Variants in VPS53 observed in about 807,000 individuals in gnomAD.
VPS53 encodes the protein vacuolar protein sorting-associated protein 53 homolog.
In VPS53, 70 loss-of-function variants were observed where a neutral mutation model predicts 107.0. The observed-to-expected ratio is 0.65, with a 90% CI of 0.54 to 0.80. VPS53 has a LOEUF of 0.80. VPS53 is among the 30% of genes least tolerant of loss of function. VPS53 has a pLI of 0.00. For synonymous variants in VPS53, 409 were observed against 393.3 expected, an observed-to-expected ratio of 1.04 and a Z score of -0.47; for missense variants, 917 against 1,049.4, an observed-to-expected ratio of 0.87 and a Z score of 1.74.
chr17:698,724 A>G (rs1406505083), intron 3 of VPS53, among the ~76,000 whole-genome samples: 1 of 149,742 alleles, frequency 6.7e-6, no homozygotes, highest in Non-Finnish European at 1.5e-5. Context: ...AGAAAAAAAG[A>G]AAAAAAAAAT....
intron 7 of VPS53, among the ~76,000 whole-genome samples, chr17:648,548 C>G (rs556182637): frequency 2.8e-4 from 42 of 152,254 alleles, no homozygotes; most frequent in African/African-American, 1.0e-3. Flanking sequence ...GAGACTTGGT[C>G]TCAAAAAATA....
chr17:660,151 C>A (rs1971385779), intron 5 of VPS53, among the ~76,000 whole-genome samples: 1 of 152,232 alleles, frequency 6.6e-6, no homozygotes, highest in Non-Finnish European at 1.5e-5. Context: ...TCAGACAGAT[C>A]TAGGGCTGAA....
Position 517,105 on chromosome 17 carries a change from T to C in VPS53, c.*2023A>G, listed in dbSNP as rs529934219. ...CTGTACGGCTCAGGCTGCTTAACCA[T>C]AGCAACTCCATGGGCTGGGGTGGGG... On this transcript the variant is annotated 3_prime_UTR_variant, in exon 22 of 22. Transcript: ENST00000437048. The C allele has an allele frequency of 2.3e-4, 51 of 223,688 alleles. 1 individual carries two copies. In the East Asian group the frequency reaches 4.4e-3, roughly 19 times the overall value. The allele number at this position is 223,688 out of a possible 1,614,324, so 13.9% of individuals were successfully genotyped here.
Position 521,696 on chromosome 17 carries a change from G to A in VPS53, c.2128C>T (p.Leu710Phe). 6.4e-7 allele frequency: 1 copy of A among 1,550,662 alleles called. No homozygotes were observed. Residue 710 changes from leucine to phenylalanine, a missense_variant, in exon 20 of 22, where the codon CTC becomes TTC. Physicochemically the swap from Leu to Phe is conservative, Grantham distance 22. Transcript: ENST00000437048. ...ACCACCTGCGAGCTGATGGAGGGGA[G>A]ATCGAGCAGGACCATCTTCAGCGAG... ...THSLKMVLLD[L>F]PSISSQVVRK...
At chr17:694,103 G>T (rs1024063932) in intron 4 of VPS53, among the ~76,000 whole-genome samples, 1 of 152,164 alleles carries the variant, frequency 6.6e-6, no homozygotes, top group African/African-American at 2.4e-5. Flanking sequence ...ACTTCAGTTT[G>T]CATTACAAAG....
chr17:639,654 G>A (rs1970344468), intron 7 of VPS53, among the ~76,000 whole-genome samples: 2 of 152,196 alleles, frequency 1.3e-5, no homozygotes, highest in South Asian at 4.1e-4. Context: ...TCAGCTGCAG[G>A]TCTGTTGGAG....
chr17:609,500 T>C (rs547230761), intron 11 of VPS53, among the ~76,000 whole-genome samples: 6 of 152,286 alleles, frequency 3.9e-5, no homozygotes, highest in African/African-American at 1.4e-4. Flanking sequence ...TACTTAGAAG[T>C]AGAAATGTGT....
At chr17:545,096 A>G (rs1911079311) in intron 17 of VPS53, among the ~76,000 whole-genome samples, 1 of 152,192 alleles carries the variant, frequency 6.6e-6, no homozygotes, top group Non-Finnish European at 1.5e-5. Flanking sequence ...AAGAAAGAAA[A>G]TAACACTATG....
intron 17 of VPS53, among the ~76,000 whole-genome samples, chr17:551,221 AGCCAAAAAT>A (rs1457832263): frequency 6.6e-6 from 1 of 152,186 alleles, no homozygotes; most frequent in Non-Finnish European, 1.5e-5. Flanking sequence ...GGCACATAAA[AGCCAAAAAT>A]AGGAACATGA....
intron 17 of VPS53, chr17:538,593 T>G (rs1954214431): frequency 6.6e-6 from 1 of 152,162 alleles, no homozygotes; most frequent in Non-Finnish European, 1.5e-5. Flanking sequence ...ACTCCTAATG[T>G]TTTTTCAAAT....
chr17:625,475 T>TAAAA (rs34322673), intron 10 of VPS53, among the ~76,000 whole-genome samples: 1 of 136,408 alleles, frequency 7.3e-6, no homozygotes, highest in Admixed American at 7.4e-5. Context: ...CCCCATCTCT[T>TAAAA]AAAAAAAAAA....
chr17:705,465 G>A (rs541644321), intron 2 of VPS53, among the ~76,000 whole-genome samples: 7 of 151,962 alleles, frequency 4.6e-5, no homozygotes, highest in South Asian at 4.1e-4. Context: ...GGCTGGGCGC[G>A]GTGGCTCACT....
At chr17:668,192 G>C (rs982401143) in intron 4 of VPS53, among the ~76,000 whole-genome samples, 3 of 152,100 alleles carry the variant, frequency 2.0e-5, no homozygotes, top group Admixed American at 1.3e-4. Flanking sequence ...TGGTTTACCG[G>C]GGACACGCTG....
chr17:537,211 C>T lies in VPS53; in HGVS notation c.1867-35G>A, dbSNP rs368149974. The T allele has an allele frequency of 5.1e-5, 82 of 1,609,008 alleles. No homozygotes were observed. The African/African-American group carries it at 9.6e-4, about 19-fold the overall frequency. On this transcript the variant is annotated intron_variant, in intron 17 of 21. Coordinates refer to ENST00000437048, the MANE Select transcript of VPS53 (RefSeq NM_001128159.3). ...AGAAAGGATGAGGCGTTGAATCCCT[C>T]GCAGGAGAACGGTGTCGCCTGTTAC...
chr17:556,334 C>T (rs887228937), intron 15 of VPS53, among the ~76,000 whole-genome samples: 2 of 152,098 alleles, frequency 1.3e-5, no homozygotes, highest in African/African-American at 4.8e-5. Context: ...AAAAGCAACA[C>T]CAATAATACA....
At chr17:571,165 A>G (rs1426012519) in intron 13 of VPS53, among the ~76,000 whole-genome samples, 1 of 141,886 alleles carries the variant, frequency 7.0e-6, no homozygotes, top group Non-Finnish European at 1.5e-5. Context: ...AACAAAAATT[A>G]GACTGATGTG....
rs892111697 is a variant in VPS53 at position 714,792 on chromosome 17, C to A, written c.-83G>T. On this transcript the variant is annotated 5_prime_UTR_variant, in exon 1 of 22. Transcript: ENST00000437048. Reference sequence around the variant, plus strand: ...CCACCCAGGCCCCAGCACAGCAACTCCCTCGCGGCAGCGACCTGGTGAGCC... The same window carrying A: ...CCACCCAGGCCCCAGCACAGCAACTACCTCGCGGCAGCGACCTGGTGAGCC... The A allele has an allele frequency of 2.4e-5, 37 of 1,515,424 alleles. No individual in the cohort carries two copies. Among genetic ancestry groups the A allele is most frequent in the African/African-American group, 8.2e-5 (6 of 72,968 alleles). The allele number at this position is 1,515,424 out of a possible 1,614,324, so 93.9% of individuals were successfully genotyped here.
rs1908306799 is a variant in VPS53 at position 516,312 on chromosome 17, T to G, written c.*2816A>C. 6.6e-6 allele frequency: 1 copy of G among 152,162 alleles called. No homozygotes were observed. The highest frequency in any genetic ancestry group is 2.1e-4 in the South Asian group (1 of 4,830). 9.4% of individuals were successfully genotyped at this position (152,162 alleles called of 1,614,324 possible). On this transcript the variant is annotated 3_prime_UTR_variant, in exon 22 of 22. Coordinates refer to ENST00000437048, the MANE Select transcript of VPS53 (RefSeq NM_001128159.3). The stretch of plus-strand genomic sequence containing the variant: ...AACGTTATAACTACCTATGGAACTT[T>G]TAAACCTGTATGCCAGGCCCCATCC...
chr17:713,236 G>A (rs940562279), intron 1 of VPS53, among the ~76,000 whole-genome samples: 2 of 151,938 alleles, frequency 1.3e-5, no homozygotes, highest in African/African-American at 4.8e-5. Context: ...CATTAAATAA[G>A]GCATAATGGA....
Sources: gnomAD v4.1 joint callset for allele counts (sites outside exome capture counted in the v4.1 genomes callset) on GRCh38, gnomAD v4.1.1 for gene constraint, MANE v1.5 for transcripts, NCBI Gene and HGNC (gene_info 2026-07-23, HGNC 2026-07-21) for gene names.